The following LARP4 variants were observed in gnomAD, a reference collection of about 807,000 sequenced individuals.
LARP4 encodes La ribonucleoprotein 4.
LARP4 carries 29 observed loss-of-function variants against 92.9 expected under a neutral mutation model. The ratio of observed to expected loss-of-function variants is 0.31; its 90% CI spans 0.23 to 0.43. The LOEUF is 0.43. Among genes scored for constraint, LARP4 ranks in the 20% least tolerant of loss-of-function variants. The probability of loss-of-function intolerance (pLI) is 1.00; values close to 1 mark genes in which losing one functional copy is unlikely to be tolerated. For missense variants in LARP4, 732 were observed against 860.0 expected, an observed-to-expected ratio of 0.85 and a Z score of 1.86; for synonymous variants, 279 against 284.1, an observed-to-expected ratio of 0.98 and a Z score of 0.18.
intron 1 of LARP4, among the ~76,000 whole-genome samples, chr12:50,404,093 G>T (rs902955834): frequency 6.6e-6 from 1 of 152,070 alleles, no homozygotes; most frequent in African/African-American, 2.4e-5. Flanking sequence ...CAGAGGTGGT[G>T]GCACACACCT....
At chr12:50,417,334 C>G (rs904259738) in intron 1 of LARP4, among the ~76,000 whole-genome samples, 7 of 145,712 alleles carry the variant, frequency 4.8e-5, no homozygotes, top group Non-Finnish European at 1.0e-4. Flanking sequence ...GAGATCGTGT[C>G]ACTGCGCTCC....
At chr12:50,425,266 C>T (rs1223557604) in intron 1 of LARP4, among the ~76,000 whole-genome samples, 1 of 152,124 alleles carries the variant, frequency 6.6e-6, no homozygotes, top group East Asian at 1.9e-4. Flanking sequence ...ATGGCCCTTT[C>T]ACTGTATCTT....
rs774044229 is a variant in LARP4 at position 50,430,474 on chromosome 12, CCTCTTCTTTTCT to C, written c.323-20_323-9del. ...ACTAACATGCTATTAACTTTTTTTC[CCTCTTCTTTTCT>C]ACCATCAGGAGAAAGCAATTCAGCA... On this transcript the variant is annotated splice_polypyrimidine_tract_variant and intron_variant, in intron 3 of 15. Transcript: ENST00000398473. The C allele has an allele frequency of 6.8e-6, 10 of 1,467,992 alleles. No individual in the cohort carries two copies. Among genetic ancestry groups the C allele is most frequent in the Non-Finnish European group, 9.4e-6 (10 of 1,061,078 alleles). 90.9% of individuals were successfully genotyped at this position (1,467,992 alleles called of 1,614,324 possible).
intron 12 of LARP4, among the ~76,000 whole-genome samples, chr12:50,463,765 CT>C (rs1955780560): frequency 6.6e-6 from 1 of 152,164 alleles, no homozygotes; most frequent in South Asian, 2.1e-4. Context: ...TATGCCTGTT[CT>C]GGAGTCTGGA....
chr12:50,467,041 G>A lies in LARP4; in HGVS notation c.1466G>A (p.Gly489Glu). ...LLASNFPPLP[G>E]SSSRMPGELV... The stretch of plus-strand genomic sequence containing the variant: ...GCCTCAAATTTTCCACCTTTACCTG[G>A]AAGTTCATCAAGAATGCCAGGTGAA... Residue 489 changes from glycine (G) to glutamate (E), a missense_variant, in exon 13 of 16, where the codon GGA becomes GAA. Physicochemically the swap from Gly to Glu is moderately conservative, Grantham distance 98. Coordinates refer to ENST00000398473, the MANE Select transcript of LARP4 (RefSeq NM_052879.5). 6.2e-7 allele frequency: 1 copy of A among 1,613,738 alleles called. No homozygotes were observed. The highest frequency in any genetic ancestry group is 8.5e-7 in the Non-Finnish European group (1 of 1,179,762).
chr12:50,426,472 T>A (rs1948717218), intron 1 of LARP4, among the ~76,000 whole-genome samples: 1 of 152,058 alleles, frequency 6.6e-6, no homozygotes, highest in South Asian at 2.1e-4. Flanking sequence ...AGAGTACTGC[T>A]CTCCTGTGGG....
rs1364575880 is a variant in LARP4, at chr12:50,437,820, T to C, written c.621T>C (p.Pro207=). 1 of 1,587,078 alleles carries C rather than the reference T, an allele frequency of 6.3e-7. No homozygotes were observed. ...GTATTGTAATTCTTAGAGAGATTCC[T>C]GAAACAACACCAATAGAGGTAAATT... is the stretch of plus-strand genomic sequence containing the variant. ...KRCIVILREI[P]ETTPIEEVKG... The change falls in exon 6 of 16, where the codon CCT becomes CCC. Residue 207 remains proline (P), a synonymous_variant. Transcript: ENST00000398473.
intron 6 of LARP4, among the ~76,000 whole-genome samples, chr12:50,439,077 A>T (rs1255298797): frequency 3.3e-5 from 5 of 152,192 alleles, no homozygotes; most frequent in Non-Finnish European, 7.3e-5. Context: ...AGTTGGGACT[A>T]CTGGCACATG....
intron 6 of LARP4, among the ~76,000 whole-genome samples, chr12:50,438,821 A>C (rs1950804004): frequency 6.6e-6 from 1 of 152,242 alleles, no homozygotes; most frequent in Non-Finnish European, 1.5e-5. Context: ...CATGTTTCAT[A>C]ATCACTGTGC....
intron 12 of LARP4, among the ~76,000 whole-genome samples, chr12:50,463,102 A>G (rs759628069): frequency 5.9e-5 from 9 of 151,766 alleles, no homozygotes; most frequent in Non-Finnish European, 1.0e-4. Context: ...ATCATGGCTC[A>G]CTGCAGCCTT....
intron 10 of LARP4, among the ~76,000 whole-genome samples, chr12:50,459,020 C>T (rs1458971513): frequency 2.6e-5 from 4 of 152,102 alleles, no homozygotes; most frequent in South Asian, 2.1e-4. Flanking sequence ...TTTTTTGAGA[C>T]GGAGTTTTGT....
At chr12:50,432,875 A>AG (rs1949875901) in intron 4 of LARP4, among the ~76,000 whole-genome samples, 2 of 150,992 alleles carry the variant, frequency 1.3e-5, no homozygotes, top group African/African-American at 4.9e-5. Context: ...AAAAAAAAAA[A>AG]AAGAAAAGCT....
At chr12:50,452,420 G>C (rs895811914) in intron 8 of LARP4, among the ~76,000 whole-genome samples, 6 of 152,058 alleles carry the variant, frequency 3.9e-5, no homozygotes, top group Admixed American at 3.9e-4. Context: ...GACCTCAAGT[G>C]CTTTGCCCGC....
chr12:50,440,695 T>C, intron 7 of LARP4, 146 bp downstream of exon 7: 1 of 572,760 alleles, frequency 1.7e-6, no homozygotes, highest in South Asian at 2.8e-5. Context: ...GCTCAATTGG[T>C]TTCCTTTTTG....
chr12:50,402,549 A>G (rs73111614), intron 1 of LARP4: 3,558 of 252,574 alleles, frequency 0.014, 39 homozygotes, highest in Non-Finnish European at 0.019. Context: ...GAACTCCACA[A>G]TATACTTTTG....
chr12:50,431,461 G>T (rs1346728458), intron 4 of LARP4, among the ~76,000 whole-genome samples: 1 of 152,198 alleles, frequency 6.6e-6, no homozygotes, highest in Non-Finnish European at 1.5e-5. Context: ...TGGCAAAATA[G>T]TAAGGAGTTG....
chr12:50,412,328 AT>A, intron 1 of LARP4: 2 of 401,400 alleles, frequency 5.0e-6, no homozygotes, highest in Non-Finnish European at 6.7e-6. Context: ...AGTATTGGAG[AT>A]GTAAAAATTG....
intron 1 of LARP4, among the ~76,000 whole-genome samples, chr12:50,423,277 T>A (rs1948149802): frequency 6.6e-6 from 1 of 152,228 alleles, no homozygotes; most frequent in African/African-American, 2.4e-5. Context: ...AGTCATCTTT[T>A]GTAATTTTAT....
At chr12:50,429,787 C>T (rs557479205) in intron 3 of LARP4, among the ~76,000 whole-genome samples, 16 of 152,014 alleles carry the variant, frequency 1.1e-4, no homozygotes, top group African/African-American at 2.2e-4. Context: ...TACAGGCACG[C>T]GCCACCACAC....
Sources: gnomAD v4.1 joint callset for allele counts (sites outside exome capture counted in the v4.1 genomes callset) on GRCh38, gnomAD v4.1.1 for gene constraint, MANE v1.5 for transcripts, NCBI Gene and HGNC (gene_info 2026-07-23, HGNC 2026-07-21) for gene names.